FMN2: variants seen among roughly 807,000 people sequenced by gnomAD.
The protein encoded by FMN2 is formin-2.
A neutral mutation model predicts 142.3 loss-of-function variants in FMN2; 51 were observed. The ratio of observed to expected loss-of-function variants is 0.36; its 90% confidence interval spans 0.29 to 0.45. The LOEUF is 0.45. Ranked by LOEUF, FMN2 falls within the 20% of genes least tolerant of loss-of-function variation. The probability of loss-of-function intolerance (pLI) is 1.00; values close to 1 mark genes in which losing one functional copy is unlikely to be tolerated. For missense variants in FMN2, 1,936 were observed against 2,122.8 expected (o/e 0.91, Z 1.73); for synonymous variants, 882 against 869.8 (o/e 1.01, Z -0.25).
chr1:240,366,519 G>A (rs1416436402), intron 14 of FMN2, among the ~76,000 whole-genome samples: 1 of 145,822 alleles, frequency 6.9e-6, no homozygotes, highest in African/African-American at 2.6e-5. Context: ...AGCACAGATT[G>A]TCTATCCTAT....
At chr1:240,442,106 TCTTTTCAAATGTC>T (rs1558109267) in intron 16 of FMN2, among the ~76,000 whole-genome samples, 1 of 152,166 alleles carries the variant, frequency 6.6e-6, no homozygotes, top group Non-Finnish European at 1.5e-5. Context: ...GATCCATGTG[TCTTTTCAAATGTC>T]CTCTCTCTAT....
chr1:240,454,496 C>T (rs896887571), intron 16 of FMN2, among the ~76,000 whole-genome samples: 17 of 152,250 alleles, frequency 1.1e-4, no homozygotes, highest in Admixed American at 4.6e-4. Flanking sequence ...GAGCTGAGAT[C>T]GCACCACTGC....
chr1:240,424,816 A>T (rs1391208846), intron 15 of FMN2, among the ~76,000 whole-genome samples: 2 of 152,190 alleles, frequency 1.3e-5, no homozygotes, highest in Non-Finnish European at 2.9e-5. Context: ...TTCAAAGTCC[A>T]CAGAAGACAT....
intron 14 of FMN2, among the ~76,000 whole-genome samples, chr1:240,372,027 G>A (rs1290383158): frequency 3.9e-5 from 6 of 152,162 alleles, no homozygotes; most frequent in Non-Finnish European, 8.8e-5. Context: ...CCTGAGGTCA[G>A]GAGTTTGAGA....
chr1:240,095,456 A>C (rs1661164807), intron 1 of FMN2, among the ~76,000 whole-genome samples: 2 of 152,142 alleles, frequency 1.3e-5, no homozygotes, highest in Admixed American at 1.3e-4. Context: ...ATAGTAGCAC[A>C]CTGTGCTAGG....
At chr1:240,413,000 G>A (rs1264394221) in intron 15 of FMN2, among the ~76,000 whole-genome samples, 1 of 151,022 alleles carries the variant, frequency 6.6e-6, no homozygotes, top group Non-Finnish European at 1.5e-5. Flanking sequence ...GTGGGCGCCT[G>A]TAGTCTCAGC....
chr1:240,317,174 G>C (rs1670813020), intron 8 of FMN2, among the ~76,000 whole-genome samples: 1 of 152,040 alleles, frequency 6.6e-6, no homozygotes, highest in Admixed American at 6.6e-5. Context: ...AAATTAGCTT[G>C]GTGTGGTGGC....
At chr1:240,126,786 C>T (rs1662526975) in intron 2 of FMN2, among the ~76,000 whole-genome samples, 1 of 152,160 alleles carries the variant, frequency 6.6e-6, no homozygotes, top group Admixed American at 6.5e-5. Flanking sequence ...AGAATGTGTT[C>T]TGTTGAAATG....
chr1:240,299,555 G>A lies in FMN2; in HGVS notation c.4215+4672G>A, dbSNP rs576208448. ...GCTATCCCAGCAATAATCTGATCCC[G>A]TTATGTGTAATTTTTCAAACAATGG... On this transcript the variant is annotated intron_variant, in intron 8 of 17. Transcript: ENST00000319653. Among the ~76,000 whole-genome samples the A allele has an allele frequency of 3.3e-5, 5 of 152,204 alleles. No homozygotes were observed. The East Asian group carries it at 7.7e-4, about 24-fold the overall frequency.
intron 2 of FMN2, chr1:240,142,618 G>A (rs1663236010): frequency 1.3e-6 from 2 of 1,527,100 alleles, no homozygotes; most frequent in Non-Finnish European, 8.9e-7. Context: ...GCAGCAGGAT[G>A]CATGGCCCAC....
chr1:240,270,630 A>AAT (rs1231583350), intron 7 of FMN2, among the ~76,000 whole-genome samples: 10 of 151,002 alleles, frequency 6.6e-5, no homozygotes, highest in East Asian at 1.9e-4. Context: ...TAAAATATAT[A>AAT]ATATATATAT....
chr1:240,253,133 T>C (rs1668339621), intron 6 of FMN2, among the ~76,000 whole-genome samples: 1 of 151,386 alleles, frequency 6.6e-6, no homozygotes, highest in Non-Finnish European at 1.5e-5. Flanking sequence ...TTGTATTTTA[T>C]TTTATTTTAC....
chr1:240,356,727 C>A (rs1169430234), intron 14 of FMN2, among the ~76,000 whole-genome samples: 2 of 152,186 alleles, frequency 1.3e-5, no homozygotes, highest in Non-Finnish European at 2.9e-5. Context: ...TGGCTTGAGA[C>A]TGAGGCCAAG....
At position 240,123,321 on chromosome 1, in the gene FMN2, C is replaced by T. The variant is rs1240021397; in HGVS notation, c.1758C>T (p.Ala586=). 1 of 1,613,764 alleles carries T rather than the reference C, an allele frequency of 6.2e-7. No homozygotes were observed. Among genetic ancestry groups the T allele is most frequent in the East Asian group, 2.2e-5 (1 of 44,868 alleles). ...TCAGGGAACCGTGTAATCAGAATGC[C>T]CAGACGAATGCAGCTTCGTTTGATG... The part of the protein sequence containing the change: ...DCFREPCNQN[A]QTNAASFDQD... The change falls in exon 2 of 18, where the codon GCC becomes GCT. Residue 586 remains alanine, a synonymous_variant. Coordinates refer to ENST00000319653, the MANE Select transcript of FMN2 (RefSeq NM_020066.5).
At chr1:240,347,396 A>G (rs1671942768) in intron 13 of FMN2, among the ~76,000 whole-genome samples, 1 of 152,104 alleles carries the variant, frequency 6.6e-6, no homozygotes, top group South Asian at 2.1e-4. Context: ...TTCTTCCTCC[A>G]TCTCCATCTC....
intron 1 of FMN2, among the ~76,000 whole-genome samples, chr1:240,111,918 G>A (rs971745653): frequency 1.3e-5 from 2 of 152,130 alleles, no homozygotes; most frequent in African/African-American, 4.8e-5. Flanking sequence ...CAGAGTCCAC[G>A]TGTTTTCAGG....
chr1:240,181,931 C>CT (rs1252242511), intron 3 of FMN2, among the ~76,000 whole-genome samples: 1 of 152,202 alleles, frequency 6.6e-6, no homozygotes, highest in Non-Finnish European at 1.5e-5. Context: ...TCTCTGTCAT[C>CT]TGAATGCTTT....
chr1:240,182,297 T>A (rs1387172463), intron 3 of FMN2, among the ~76,000 whole-genome samples: 2 of 152,198 alleles, frequency 1.3e-5, no homozygotes, highest in Non-Finnish European at 2.9e-5. Context: ...TGTCGTTTCC[T>A]CTGTGGAAAA....
intron 15 of FMN2, among the ~76,000 whole-genome samples, chr1:240,418,417 G>C (rs998239665): frequency 6.6e-6 from 1 of 151,644 alleles, no homozygotes; most frequent in Non-Finnish European, 1.5e-5. Context: ...GGCTGGTCTC[G>C]AACTCCTGAC....
Sources: allele counts gnomAD v4.1 joint callset (sites outside exome capture counted in the v4.1 genomes callset), GRCh38; gene constraint gnomAD v4.1.1; transcripts MANE v1.5; gene names NCBI Gene and HGNC (gene_info 2026-07-23, HGNC 2026-07-21).